CERS4: variants seen among roughly 807,000 people sequenced by gnomAD.
CERS4 encodes the protein LAG1 homolog, ceramide synthase 4.
CERS4 carries 65 observed loss-of-function variants against 51.8 expected under a neutral mutation model. The observed-to-expected ratio is 1.26, with a 90% CI of 1.03 to 1.54. The LOEUF (loss-of-function observed/expected upper bound fraction) is 1.54. Ranked by LOEUF, CERS4 falls within the 40% of genes most tolerant of loss-of-function variation. CERS4 has a pLI of 0.00. For synonymous variants in CERS4, 228 were observed against 208.4 expected, an observed-to-expected ratio of 1.09 and a Z score of -0.81; for missense variants, 563 against 500.4, an observed-to-expected ratio of 1.13 and a Z score of -1.19.
intron 3 of CERS4, among the ~76,000 whole-genome samples, 192 bp from the exon 4 acceptor site, chr19:8,254,307 T>G: frequency 9.5e-6 from 1 of 105,764 alleles, no homozygotes; most frequent in Admixed American, 1.2e-4. Flanking sequence ...TGGGTGACAG[T>G]GCAATACTCT....
chr19:8,224,406 CAAAAAA>C (rs34399032), intron 2 of CERS4, among the ~76,000 whole-genome samples: 8 of 104,488 alleles, frequency 7.7e-5, no homozygotes, highest in African/African-American at 7.0e-5. Flanking sequence ...GACTCCATCG[CAAAAAA>C]AAAAAAAAAA....
At chr19:8,227,680 T>TG (rs1397442215) in intron 2 of CERS4, among the ~76,000 whole-genome samples, 1 of 152,058 alleles carries the variant, frequency 6.6e-6, no homozygotes, top group African/African-American at 2.4e-5. Flanking sequence ...ACATGTCATG[T>TG]GGGTGAACCT....
chr19:8,259,717 G>C (rs1969578527), intron 10 of CERS4, among the ~76,000 whole-genome samples: 1 of 152,148 alleles, frequency 6.6e-6, no homozygotes, highest in African/African-American at 2.4e-5. Context: ...TGTGGCCTCA[G>C]AGGAGACATG....
At chr19:8,254,731 G>T in intron 4 of CERS4, 115 bp downstream of exon 4, 2 of 828,640 alleles carry the variant, frequency 2.4e-6, no homozygotes, top group South Asian at 3.1e-5. Context: ...AGGCACCCCT[G>T]CAATGCCCCT....
intron 2 of CERS4, among the ~76,000 whole-genome samples, chr19:8,221,501 AT>A (rs1967539550): frequency 6.6e-6 from 1 of 151,932 alleles, no homozygotes; most frequent in South Asian, 2.1e-4. Flanking sequence ...CTGAAAATAA[AT>A]GTATTTCGGT....
intron 2 of CERS4, among the ~76,000 whole-genome samples, chr19:8,230,128 C>T (rs1015361087): frequency 6.6e-6 from 1 of 152,062 alleles, no homozygotes; most frequent in Non-Finnish European, 1.5e-5. Flanking sequence ...TTTCACCTGC[C>T]CCATTCTCTT....
At chr19:8,226,446 C>T (rs775325707) in intron 2 of CERS4, among the ~76,000 whole-genome samples, 1 of 152,060 alleles carries the variant, frequency 6.6e-6, no homozygotes, top group South Asian at 2.1e-4. Context: ...TATGCTGTCA[C>T]CAGGGAGCAG....
chr19:8,229,436 C>T (rs66759836), intron 2 of CERS4, among the ~76,000 whole-genome samples: 1 of 151,104 alleles, frequency 6.6e-6, no homozygotes, highest in East Asian at 2.0e-4. Flanking sequence ...TCTTCTTCTT[C>T]GTGTGTCGCT....
intron 3 of CERS4, among the ~76,000 whole-genome samples, chr19:8,254,096 G>A (rs1969235418): frequency 6.6e-6 from 1 of 151,872 alleles, no homozygotes; most frequent in South Asian, 2.1e-4. Flanking sequence ...GCCGAGGTGG[G>A]CAGATCACGA....
chr19:8,259,299 T>C (rs1969556486), intron 10 of CERS4, among the ~76,000 whole-genome samples: 1 of 151,984 alleles, frequency 6.6e-6, no homozygotes, highest in South Asian at 2.1e-4. Context: ...AGGCAGAGAA[T>C]AGCATGTGCA....
chr19:8,227,576 A>T (rs1168836257), intron 2 of CERS4, among the ~76,000 whole-genome samples: 1 of 151,998 alleles, frequency 6.6e-6, no homozygotes, highest in African/African-American at 2.4e-5. Context: ...TCCTGATCGC[A>T]AATGATCCAC....
chr19:8,253,496 G>A (rs1298002548), intron 3 of CERS4, among the ~76,000 whole-genome samples: 1 of 122,068 alleles, frequency 8.2e-6, no homozygotes, highest in African/African-American at 3.3e-5. Context: ...TTGTTGCTCT[G>A]TCACCCAGGC....
intron 10 of CERS4, among the ~76,000 whole-genome samples, chr19:8,260,613 TTTC>T (rs1161174537): frequency 4.0e-5 from 6 of 151,898 alleles, no homozygotes; most frequent in African/African-American, 1.2e-4. Context: ...TGTTTTTTTC[TTTC>T]TTGTGTGAAA....
At chr19:8,221,458 T>G (rs959285260) in intron 2 of CERS4, among the ~76,000 whole-genome samples, 1 of 152,204 alleles carries the variant, frequency 6.6e-6, no homozygotes, top group Non-Finnish European at 1.5e-5. Flanking sequence ...GGCTTGCTCT[T>G]TCAGGGAGAG....
At chr19:8,224,104 TAAAAAAAA>T (rs746066578) in intron 2 of CERS4, among the ~76,000 whole-genome samples, 2 of 65,480 alleles carry the variant, frequency 3.1e-5, no homozygotes, top group African/African-American at 6.2e-5. Context: ...ACTCCGTCTT[TAAAAAAAA>T]AAAAAAAAAA....
rs189976309 is a variant in CERS4 at position 8,228,672 on chromosome 19, T to C, written c.-2+17810T>C. On this transcript the variant is annotated intron_variant, in intron 2 of 11. Coordinates refer to ENST00000251363, the MANE Select transcript of CERS4 (RefSeq NM_024552.3). ...CCTGGGCAACAAGAGCAAAACTCCG[T>C]CTCAAAAAAAAAATTTTTTTTTTAA... Among the ~76,000 whole-genome samples the C allele has an allele frequency of 2.4e-4, 35 of 147,198 alleles. No homozygotes were observed. The East Asian group carries it at 4.4e-3, about 18-fold the overall frequency.
At chr19:8,211,158 G>A (rs903355815) in intron 2 of CERS4, among the ~76,000 whole-genome samples, 2 of 152,126 alleles carry the variant, frequency 1.3e-5, no homozygotes, top group Non-Finnish European at 2.9e-5. Flanking sequence ...CCTGACCCAG[G>A]GCTGTCTGCA....
chr19:8,211,745 A>G (rs1474626479), intron 2 of CERS4, among the ~76,000 whole-genome samples: 1 of 151,672 alleles, frequency 6.6e-6, no homozygotes, highest in Non-Finnish European at 1.5e-5. Context: ...TACAAAAATT[A>G]GCCGGGCGTG....
intron 2 of CERS4, among the ~76,000 whole-genome samples, chr19:8,245,384 A>G (rs78197262): frequency 0.045 from 6,862 of 151,628 alleles, 169 homozygotes; most frequent in South Asian, 0.056. Flanking sequence ...ACGAGTAGCT[A>G]GGATTATGGC....
Sources: gnomAD v4.1 joint callset for allele counts (sites outside exome capture counted in the v4.1 genomes callset) on GRCh38, gnomAD v4.1.1 for gene constraint, MANE v1.5 for transcripts, NCBI Gene and HGNC (gene_info 2026-07-23, HGNC 2026-07-21) for gene names.